Variants in TANGO6 observed in about 807,000 individuals in gnomAD.
TANGO6 encodes transport and Golgi organization protein 6 homolog.
TANGO6 carries 90 observed loss-of-function variants against 114.2 expected under a neutral mutation model. The observed-to-expected ratio is 0.79, with a 90% confidence interval of 0.66 to 0.94. The LOEUF is 0.94. TANGO6 is among the 40% of genes least tolerant of loss of function. The probability of loss-of-function intolerance (pLI) is 0.00; values close to 1 mark genes in which losing one functional copy is unlikely to be tolerated. For synonymous variants in TANGO6, 477 were observed against 509.8 expected (o/e 0.94, Z 0.87); for missense variants, 1,274 against 1,315.3 (o/e 0.97, Z 0.49).
chr16:69,014,950 A>G (rs1379498262), intron 15 of TANGO6, among the ~76,000 whole-genome samples: 1 of 152,076 alleles, frequency 6.6e-6, no homozygotes, highest in Admixed American at 6.6e-5. Context: ...GTAGGATCTT[A>G]AAATTCAATG....
In TANGO6 at chr16:69,040,439, C is replaced by T; in HGVS notation, c.3108+18C>T. 1 of 1,567,000 alleles carries T rather than the reference C, an allele frequency of 6.4e-7. No homozygotes were observed. ...CTACTGAGGTCAGTCCGTCTCTCGC[C>T]CTTTGCAATTTCTCCACCTCTTTTA... is the stretch of plus-strand genomic sequence containing the variant. On this transcript the variant is annotated intron_variant, in intron 17 of 17. Coordinates refer to ENST00000261778, the MANE Select transcript of TANGO6 (RefSeq NM_024562.2).
Position 68,903,881 on chromosome 16 carries a change from C to T in TANGO6, c.1667+1377C>T, listed in dbSNP as rs148709658. On this transcript the variant is annotated intron_variant, in intron 9 of 17. Transcript: ENST00000261778. Reference sequence around the variant, plus strand: ...AGGTTGCAGTAAGCCAAGATTGCGCCACTGCACTTCAGCCTAGGTGACAGA... The same window carrying T: ...AGGTTGCAGTAAGCCAAGATTGCGCTACTGCACTTCAGCCTAGGTGACAGA... Among the ~76,000 whole-genome samples the T allele has an allele frequency of 9.2e-3, 1,396 of 151,222 alleles. 8 individuals are homozygous for T. The highest frequency in any genetic ancestry group is 0.02 in the South Asian group (96 of 4,792).
At chr16:69,048,258 AT>A (rs71383949) in intron 17 of TANGO6, among the ~76,000 whole-genome samples, 4,236 of 111,476 alleles carry the variant, frequency 0.038, 36 homozygotes, top group African/African-American at 0.06. Flanking sequence ...AATTTTTTGT[AT>A]TTTTTTTTTT....
chr16:68,917,435 T>C (rs1248345476), intron 11 of TANGO6, among the ~76,000 whole-genome samples: 1 of 152,206 alleles, frequency 6.6e-6, no homozygotes, highest in East Asian at 1.9e-4. Context: ...AAGCAATGGC[T>C]AGACTGTATG....
intron 3 of TANGO6, 103 bp from the exon 4 acceptor site, chr16:68,866,974 CCT>C: frequency 1.3e-6 from 1 of 789,988 alleles, no homozygotes; most frequent in Non-Finnish European, 1.9e-6. Context: ...AGCTATTTCT[CCT>C]TTTTTTTTTT....
chr16:68,975,378 C>T (rs146066167), intron 15 of TANGO6, among the ~76,000 whole-genome samples: 53 of 151,454 alleles, frequency 3.5e-4, no homozygotes, highest in African/African-American at 1.2e-3. Flanking sequence ...AAATCCTGAA[C>T]TGCCGCGCTT....
chr16:68,923,776 G>A (rs561449725), intron 12 of TANGO6, among the ~76,000 whole-genome samples: 19 of 152,256 alleles, frequency 1.2e-4, no homozygotes, highest in Admixed American at 3.3e-4. Flanking sequence ...GAAAGGAAAG[G>A]TGATGTCTAA....
At chr16:68,857,748 A>G (rs1962022056) in intron 1 of TANGO6, among the ~76,000 whole-genome samples, 2 of 152,106 alleles carry the variant, frequency 1.3e-5, no homozygotes, top group African/African-American at 4.8e-5. Context: ...TGTTGTTTTA[A>G]TTTGCATTTC....
At position 69,000,563 on chromosome 16, in the gene TANGO6, T is replaced by C. The variant is rs552260194; in HGVS notation, c.2843-22265T>C. 5.3e-5 allele frequency among the ~76,000 whole-genome samples: 8 copies of C among 152,262 alleles called. No homozygotes were observed. The South Asian group carries it at 1.5e-3, about 28-fold the overall frequency. The stretch of plus-strand genomic sequence containing the variant: ...TTCTCTCCTCTTTTTTTCCTATAGT[T>C]TATTTTAAAGGCAAACAAAAATCTT... On this transcript the variant is annotated intron_variant, in intron 15 of 17. Transcript: ENST00000261778.
chr16:69,072,476 G>T (rs9934464), intron 17 of TANGO6, among the ~76,000 whole-genome samples: 3 of 151,754 alleles, frequency 2.0e-5, no homozygotes, highest in African/African-American at 7.3e-5. Flanking sequence ...TCCTGCCCCC[G>T]ACAGAGGCTC....
chr16:68,913,951 A>G (rs1244412028), intron 11 of TANGO6, among the ~76,000 whole-genome samples: 2 of 152,104 alleles, frequency 1.3e-5, no homozygotes, highest in African/African-American at 4.8e-5. Context: ...GTTGAGCCCA[A>G]GGGACTCTGA....
At chr16:68,932,870 G>A (rs931984992) in intron 14 of TANGO6, among the ~76,000 whole-genome samples, 16 of 152,244 alleles carry the variant, frequency 1.1e-4, no homozygotes, top group African/African-American at 3.1e-4. Flanking sequence ...ATAATAAAGT[G>A]TCAATATTAG....
intron 15 of TANGO6, among the ~76,000 whole-genome samples, chr16:69,015,551 G>A (rs527970847): frequency 6.6e-6 from 1 of 151,432 alleles, no homozygotes; most frequent in African/African-American, 2.4e-5. Context: ...GCATGATCTC[G>A]GCTAACTGTA....
intron 16 of TANGO6, among the ~76,000 whole-genome samples, chr16:69,036,555 C>T (rs1201753883): frequency 6.6e-6 from 1 of 152,058 alleles, no homozygotes; most frequent in African/African-American, 2.4e-5. Flanking sequence ...GAGTCTGGCG[C>T]ATAAGTCACT....
intron 15 of TANGO6, among the ~76,000 whole-genome samples, chr16:68,978,796 G>T (rs575288793): frequency 6.6e-6 from 1 of 151,700 alleles, no homozygotes; most frequent in Admixed American, 6.6e-5. Flanking sequence ...CATCATGCTA[G>T]TTCCCTAGCC....
intron 2 of TANGO6, among the ~76,000 whole-genome samples, chr16:68,861,200 C>T (rs556470026): frequency 1.3e-5 from 2 of 152,234 alleles, no homozygotes; most frequent in Non-Finnish European, 2.9e-5. Context: ...GCACTACCCC[C>T]GCCATGAGAG....
intron 17 of TANGO6, among the ~76,000 whole-genome samples, chr16:69,059,116 C>T (rs1960078068): frequency 6.6e-6 from 1 of 151,430 alleles, no homozygotes; most frequent in South Asian, 2.1e-4. Flanking sequence ...GCTCTGTTGC[C>T]CAGGCTGGAG....
At chr16:68,857,674 A>G (rs1443078889) in intron 1 of TANGO6, among the ~76,000 whole-genome samples, 1 of 152,222 alleles carries the variant, frequency 6.6e-6, no homozygotes, top group Non-Finnish European at 1.5e-5. Flanking sequence ...CATCCTTGTC[A>G]GCATTTAATG....
chr16:68,934,820 G>T (rs1330721218), intron 14 of TANGO6, among the ~76,000 whole-genome samples: 3 of 152,134 alleles, frequency 2.0e-5, no homozygotes, highest in Admixed American at 6.6e-5. Flanking sequence ...TTTGCTGTTT[G>T]GAATAAGCGT....
Sources: gnomAD v4.1 joint callset for allele counts (sites outside exome capture counted in the v4.1 genomes callset) on GRCh38, gnomAD v4.1.1 for gene constraint, MANE v1.5 for transcripts, NCBI Gene and HGNC (gene_info 2026-07-23, HGNC 2026-07-21) for gene names.